Variants in OR1F1 observed in about 807,000 individuals in gnomAD.
The protein encoded by OR1F1 is olfactory receptor 1F1.
For synonymous variants in OR1F1, 184 were observed against 156.7 expected (o/e 1.17, Z -1.30); for missense variants, 493 against 376.3 (o/e 1.31, Z -2.57).
chr16:3,206,159 T>A (rs2141596364), downstream of OR1F1, among the ~76,000 whole-genome samples: 1 of 152,320 alleles, frequency 6.6e-6, no homozygotes, highest in African/African-American at 2.4e-5. Context: ...GCAGTTGAGA[T>A]AAGGACTGAA....
chr16:3,204,146 C>T, upstream of OR1F1: 1 of 840,842 alleles, frequency 1.2e-6, no homozygotes, highest in Non-Finnish European at 1.8e-6. Flanking sequence ...ATCCTGCAAG[C>T]AAAATTCTAC....
chr16:3,195,185 C>A, the OR1F1 span, among the ~76,000 whole-genome samples: 1 of 152,346 alleles, frequency 6.6e-6, no homozygotes, highest in East Asian at 1.9e-4. Flanking sequence ...GCTCTCCCCC[C>A]AACCGTTCCT....
chr16:3,191,809 G>A, the OR1F1 span, among the ~76,000 whole-genome samples: 4 of 152,256 alleles, frequency 2.6e-5, no homozygotes, highest in Non-Finnish European at 4.4e-5. Context: ...GCCACAGGAT[G>A]GGTGTGAGGG....
chr16:3,205,746 A>C (rs180868264), downstream of OR1F1, among the ~76,000 whole-genome samples: 30 of 152,330 alleles, frequency 2.0e-4, no homozygotes, highest in Admixed American at 1.6e-3. Context: ...TAACACTTAT[A>C]ATTTCTCATG....
At chr16:3,204,388 T>G (rs1958174460) in exon 1 of OR1F1, 3 of 1,614,022 alleles carry the variant, frequency 1.9e-6, no homozygotes, top group Non-Finnish European at 2.5e-6. Context: ...CATCATCCTG[T>G]CCGTAAGCAT....
the OR1F1 span, among the ~76,000 whole-genome samples, chr16:3,190,625 C>T: frequency 1.3e-5 from 2 of 151,874 alleles, no homozygotes; most frequent in Non-Finnish European, 2.9e-5. Context: ...GTGGCGGGCG[C>T]CTGTAATCCC....
At chr16:3,193,751 C>G in the OR1F1 span, among the ~76,000 whole-genome samples, 3 of 152,216 alleles carry the variant, frequency 2.0e-5, no homozygotes, top group Non-Finnish European at 4.4e-5. Flanking sequence ...GCGAGCGCAA[C>G]CACAACCGGC....
rs748882517 is a variant in OR1F1 at position 3,204,610 on chromosome 16, C to T, written c.364C>T (p.His122Tyr). Residue 122 changes from histidine to tyrosine, a missense_variant, in exon 1 of 1, where the codon CAC (histidine) becomes TAC (tyrosine). Coordinates refer to ENST00000304646, the Ensembl canonical transcript of OR1F1. ...CCTCCTAGCTGTGATGGCCTATGACCACTTTGTCGCCGTGTGCCACCCCTT... is the reference window on the plus strand; with the variant it reads ...CCTCCTAGCTGTGATGGCCTATGACTACTTTGTCGCCGTGTGCCACCCCTT... The T allele has an allele frequency of 1.7e-5, 28 of 1,614,020 alleles. No individual in the cohort carries two copies. In the Admixed American group the frequency reaches 4.5e-4, roughly 26 times the overall value.
At chr16:3,197,747 G>A in the OR1F1 span, among the ~76,000 whole-genome samples, 4 of 102,300 alleles carry the variant, frequency 3.9e-5, no homozygotes, top group African/African-American at 7.8e-5. Flanking sequence ...GAGAAGGAGA[G>A]GGAGAGGGAG....
At chr16:3,192,273 G>T in the OR1F1 span, among the ~76,000 whole-genome samples, 3 of 150,382 alleles carry the variant, frequency 2.0e-5, no homozygotes, top group Non-Finnish European at 4.4e-5. Context: ...AGCCAGGATG[G>T]TCTTGATCTG....
chr16:3,191,035 C>T, the OR1F1 span, among the ~76,000 whole-genome samples: 3 of 152,174 alleles, frequency 2.0e-5, no homozygotes, highest in Non-Finnish European at 4.4e-5. Context: ...CAGTAGGTTA[C>T]AGTGCGGAGC....
At chr16:3,204,854 G>T (rs772468039) in exon 1 of OR1F1, 7 of 1,614,016 alleles carry the variant, frequency 4.3e-6, no homozygotes, top group Non-Finnish European at 5.1e-6. Context: ...CTTAGTGAGG[G>T]TGCCCTGGTC....
At chr16:3,205,506 G>T (rs1360876920), downstream of OR1F1, among the ~76,000 whole-genome samples, 1 of 151,152 alleles carries the variant, frequency 6.6e-6, no homozygotes, top group East Asian at 1.9e-4. Flanking sequence ...TTTTGAGACG[G>T]AGTCTCTCTA....
the OR1F1 span, among the ~76,000 whole-genome samples, chr16:3,196,429 G>GCT: frequency 1.3e-5 from 2 of 152,116 alleles, no homozygotes; most frequent in East Asian, 3.9e-4. Context: ...TGTTGCCCAG[G>GCT]CTGGAGGGCA....
the OR1F1 span, among the ~76,000 whole-genome samples, chr16:3,195,865 T>A: frequency 5.3e-5 from 8 of 152,172 alleles, no homozygotes; most frequent in African/African-American, 1.9e-4. Context: ...CCAGTACATC[T>A]GGGCACACCT....
chr16:3,192,279 A>G, the OR1F1 span, among the ~76,000 whole-genome samples: 3 of 149,474 alleles, frequency 2.0e-5, no homozygotes, highest in Non-Finnish European at 4.4e-5. Context: ...GATGGTCTTG[A>G]TCTGACCTCG....
chr16:3,192,518 C>T, the OR1F1 span, among the ~76,000 whole-genome samples: 2 of 152,186 alleles, frequency 1.3e-5, no homozygotes, highest in Non-Finnish European at 2.9e-5. Flanking sequence ...GTCTGAGGTC[C>T]CGGAAGCCTC....
At chr16:3,204,519 C>A (rs1450128591) in exon 1 of OR1F1, 1 of 1,614,080 alleles carries the variant, frequency 6.2e-7, no homozygotes, top group East Asian at 2.2e-5. Context: ...AGACTCAGAC[C>A]ATCTCCTTCT....
the OR1F1 span, among the ~76,000 whole-genome samples, chr16:3,193,964 T>C: frequency 6.6e-6 from 1 of 152,208 alleles, no homozygotes; most frequent in African/African-American, 2.4e-5. Flanking sequence ...AAGCCAGGGA[T>C]TGTGGGTTCG....
Sources: allele counts gnomAD v4.1 joint callset (sites outside exome capture counted in the v4.1 genomes callset), GRCh38; gene constraint gnomAD v4.1.1; transcripts MANE v1.5; gene names NCBI Gene and HGNC (gene_info 2026-07-23, HGNC 2026-07-21).